Variants in EYA1 observed in about 807,000 individuals in gnomAD.
EYA1 encodes the protein EYA transcriptional coactivator and phosphatase 1, also known as protein phosphatase EYA1.
EYA1 carries 16 observed loss-of-function variants against 82.0 expected under a neutral mutation model. The observed-to-expected ratio is 0.20, with a 90% CI of 0.13 to 0.30. The LOEUF (loss-of-function observed/expected upper bound fraction) is 0.30. Among genes scored for constraint, EYA1 ranks in the 10% least tolerant of loss-of-function variants. EYA1 has a pLI of 1.00. For synonymous variants in EYA1, 261 were observed against 264.4 expected, an observed-to-expected ratio of 0.99 and a Z score of 0.12; for missense variants, 633 against 730.7, an observed-to-expected ratio of 0.87 and a Z score of 1.54.
intron 2 of EYA1, among the ~76,000 whole-genome samples, chr8:71,355,743 C>A (rs538921070): frequency 6.6e-6 from 1 of 152,282 alleles, no homozygotes; most frequent in African/African-American, 2.4e-5. Context: ...GTTAAATGCC[C>A]TCTGAAAGTT....
At chr8:71,307,985 TTTATAGTTCAATC>T (rs1820912620) in intron 7 of EYA1, among the ~76,000 whole-genome samples, 2 of 152,190 alleles carry the variant, frequency 1.3e-5, no homozygotes, top group Non-Finnish European at 2.9e-5. Flanking sequence ...TTAGAGTACA[TTTATAGTTCAATC>T]TTTCCACATC....
At chr8:71,215,964 G>C (rs1402517542) in intron 14 of EYA1, among the ~76,000 whole-genome samples, 3 of 152,130 alleles carry the variant, frequency 2.0e-5, no homozygotes, top group Non-Finnish European at 4.4e-5. Context: ...TTGGGCAGAG[G>C]TGACTCCACC....
chr8:71,545,996 T>C (rs1815537714), intron 1 of EYA1, among the ~76,000 whole-genome samples: 1 of 152,180 alleles, frequency 6.6e-6, no homozygotes, highest in African/African-American at 2.4e-5. Context: ...TTGTCTGACA[T>C]CCATCCCTGT....
intron 3 of EYA1, among the ~76,000 whole-genome samples, chr8:71,334,665 T>C (rs78955080): frequency 0.01 from 1,539 of 152,254 alleles, 33 homozygotes; most frequent in African/African-American, 0.035. Context: ...TTCTGGGTTC[T>C]CCAGCATGGC....
At chr8:71,526,691 G>A (rs1341127329) in intron 2 of EYA1, among the ~76,000 whole-genome samples, 3 of 152,208 alleles carry the variant, frequency 2.0e-5, no homozygotes, top group Non-Finnish European at 1.5e-5. Context: ...TTCCTCCAGA[G>A]TGAGTGATCC....
intron 2 of EYA1, among the ~76,000 whole-genome samples, chr8:71,485,461 C>T (rs925713657): frequency 1.3e-5 from 2 of 152,084 alleles, no homozygotes; most frequent in Admixed American, 1.3e-4. Flanking sequence ...AATCTCCAGT[C>T]CCATATCCTC....
chr8:71,444,703 A>T (rs62507401), intron 2 of EYA1, among the ~76,000 whole-genome samples: 1 of 151,968 alleles, frequency 6.6e-6, no homozygotes, highest in African/African-American at 2.4e-5. Flanking sequence ...GCCTACACTG[A>T]GGGGTTAGAA....
chr8:71,378,861 T>A (rs145561019), intron 2 of EYA1, among the ~76,000 whole-genome samples: 1 of 152,036 alleles, frequency 6.6e-6, no homozygotes, highest in African/African-American at 2.4e-5. Flanking sequence ...ATTAAACTTA[T>A]GTGTTAAATA....
chr8:71,447,568 A>G (rs1806992678), intron 2 of EYA1, among the ~76,000 whole-genome samples: 1 of 152,202 alleles, frequency 6.6e-6, no homozygotes, highest in South Asian at 2.1e-4. Flanking sequence ...TTAAGTTTTG[A>G]TAATTCATTG....
At chr8:71,237,903 A>G (rs1812038711) in intron 12 of EYA1, among the ~76,000 whole-genome samples, 1 of 152,162 alleles carries the variant, frequency 6.6e-6, no homozygotes, top group Non-Finnish European at 1.5e-5. Flanking sequence ...TATAACTAAC[A>G]CCCAGATGAA....
At chr8:71,267,893 T>TAAAC (rs1399661459) in intron 11 of EYA1, among the ~76,000 whole-genome samples, 3 of 152,158 alleles carry the variant, frequency 2.0e-5, no homozygotes, top group African/African-American at 2.4e-5. Context: ...AAAACTAAAC[T>TAAAC]AAACAAACAA....
chr8:71,463,575 T>TTC lies in EYA1; in HGVS notation c.33+72167_33+72168dup, dbSNP rs776367934. ...GGTTATTTCTTAAGAAATACATGCT[T>TTC]TCTCTCTCTCTCTCTCTCTCTCTCT... On this transcript the variant is annotated intron_variant, in intron 2 of 18. Coordinates refer to the EYA1 transcript ENST00000643681. Among the ~76,000 whole-genome samples, 113 of 41,188 alleles carry TTC rather than the reference T, an allele frequency of 2.7e-3. 4 individuals are homozygous for TTC. The highest frequency in any genetic ancestry group is 3.3e-3 in the Non-Finnish European group (78 of 23,854). The allele number at this position is 41,188 out of a possible 152,430, so 27.0% of individuals were successfully genotyped here. A position where few individuals can be genotyped will look rare whatever the true frequency, so the allele number is the denominator to read the frequency against.
intron 17 of EYA1, among the ~76,000 whole-genome samples, chr8:71,201,829 G>GT: frequency 6.6e-6 from 1 of 152,066 alleles, no homozygotes; most frequent in East Asian, 1.9e-4. Flanking sequence ...CACCTACTTG[G>GT]TATCTATTTT....
intron 9 of EYA1, among the ~76,000 whole-genome samples, chr8:71,285,557 G>C (rs1586180127): frequency 6.6e-6 from 1 of 152,158 alleles, no homozygotes; most frequent in Non-Finnish European, 1.5e-5. Flanking sequence ...CGAATAACAG[G>C]CCTGCCTATT....
At position 71,315,027 on chromosome 8, in the gene EYA1, T is replaced by C. The variant is rs374625240; in HGVS notation, c.556+2525A>G. ...TATACTGTAATGGCTGGTTTGTCTT[T>C]TTCTGAATTGTTCCTGCTGCATAAG... On this transcript the variant is annotated intron_variant, in intron 7 of 17. Coordinates refer to ENST00000340726, the MANE Select transcript of EYA1 (RefSeq NM_000503.6). Among the ~76,000 whole-genome samples the C allele has an allele frequency of 1.2e-4, 18 of 152,296 alleles. No individual in the cohort carries two copies. The East Asian group carries it at 2.5e-3, about 21-fold the overall frequency.
intron 2 of EYA1, among the ~76,000 whole-genome samples, chr8:71,402,323 G>A (rs990988425): frequency 6.6e-6 from 1 of 152,006 alleles, no homozygotes; most frequent in African/African-American, 2.4e-5. Flanking sequence ...AGCTGAAAAC[G>A]GGGCATGAGA....
At chr8:71,496,396 T>G (rs921461717) in intron 2 of EYA1, among the ~76,000 whole-genome samples, 1 of 152,240 alleles carries the variant, frequency 6.6e-6, no homozygotes, top group Non-Finnish European at 1.5e-5. Flanking sequence ...GATTATACCC[T>G]GATACTGAAA....
rs530912423 is a variant in EYA1, at chr8:71,472,767, C to T, written c.33+62977G>A. 7.9e-5 allele frequency among the ~76,000 whole-genome samples: 10 copies of T among 127,312 alleles called. No individual in the cohort carries two copies. In the South Asian group the frequency reaches 2.2e-3, roughly 28 times the overall value. The allele number at this position is 127,312 out of a possible 152,430, so 83.5% of individuals were successfully genotyped here. A position where few individuals can be genotyped will look rare whatever the true frequency, so the allele number is the denominator to read the frequency against. ...CATGCAAGTATGTATTGAATACATG[C>T]ATTTTAGATGTAGCTTTGAAGATAT... On this transcript the variant is annotated intron_variant, in intron 2 of 18. Transcript: ENST00000643681.
chr8:71,546,902 T>C (rs1390167909), intron 1 of EYA1, among the ~76,000 whole-genome samples: 1 of 152,184 alleles, frequency 6.6e-6, no homozygotes, highest in Non-Finnish European at 1.5e-5. Flanking sequence ...TATGAGATGA[T>C]TTACCTACCT....
Sources: gnomAD v4.1 joint callset for allele counts (sites outside exome capture counted in the v4.1 genomes callset) on GRCh38, gnomAD v4.1.1 for gene constraint, MANE v1.5 for transcripts, NCBI Gene and HGNC (gene_info 2026-07-23, HGNC 2026-07-21) for gene names.